The following DNM3 variants were observed in gnomAD, a reference collection of about 807,000 sequenced individuals.
The protein encoded by DNM3 is dynamin-3.
In DNM3, 47 loss-of-function variants were observed where a neutral mutation model predicts 101.6. That is an observed-to-expected ratio of 0.46 (90% CI 0.37 to 0.59). DNM3 has a LOEUF of 0.59. Among genes scored for constraint, DNM3 ranks in the 20% least tolerant of loss-of-function variants. The pLI, the probability that DNM3 is intolerant of heterozygous loss-of-function variation, is 0.00. For synonymous variants in DNM3, 385 were observed against 387.9 expected (o/e 0.99, Z 0.09); for missense variants, 849 against 1,085.7 (o/e 0.78, Z 3.06).
chr1:172,296,277 T>A (rs1312952371), intron 15 of DNM3, among the ~76,000 whole-genome samples: 2 of 152,218 alleles, frequency 1.3e-5, no homozygotes, highest in Admixed American at 6.5e-5. Flanking sequence ...GCCAAGATGA[T>A]GCCAGCATTC....
intron 14 of DNM3, among the ~76,000 whole-genome samples, chr1:172,166,538 A>G (rs1355586344): frequency 6.6e-6 from 1 of 152,092 alleles, no homozygotes; most frequent in African/African-American, 2.4e-5. Flanking sequence ...ATAGGTATCA[A>G]GTTAGGATTA....
chr1:171,988,134 A>G lies in DNM3; in HGVS notation c.385+329A>G, dbSNP rs186966191. On this transcript the variant is annotated intron_variant, in intron 3 of 20. Transcript: ENST00000627582. Reference sequence around the variant, plus strand: ...TAGAGGTACATGTTACTATGGTTGCATCTTCCCCTATTGGATGTCTTGCAG... The same window carrying G: ...TAGAGGTACATGTTACTATGGTTGCGTCTTCCCCTATTGGATGTCTTGCAG... Among the ~76,000 whole-genome samples, 207 of 152,272 alleles carry G rather than the reference A, an allele frequency of 1.4e-3. 2 individuals are homozygous for G. Among genetic ancestry groups the G allele is most frequent in the African/African-American group, 4.7e-3 (195 of 41,568 alleles).
rs1218988923 is a variant in DNM3, at chr1:172,408,923, T to C, written c.*1082T>C. 6 of 985,220 alleles carry C rather than the reference T, an allele frequency of 6.1e-6. No individual in the cohort carries two copies. Among genetic ancestry groups the C allele is most frequent in the East Asian group, 1.1e-4 (1 of 8,830 alleles). The allele number at this position is 985,220 out of a possible 1,614,324, so 61.0% of individuals were successfully genotyped here. A position where few individuals can be genotyped will look rare whatever the true frequency, so the allele number is the denominator to read the frequency against. Reference sequence around the variant, plus strand: ...GTTCCTGAAATGAAGTCAGTAGAAATGGCATGGGATAAGAGCAGAGCTCAC... The same window carrying C: ...GTTCCTGAAATGAAGTCAGTAGAAACGGCATGGGATAAGAGCAGAGCTCAC... On this transcript the variant is annotated 3_prime_UTR_variant, in exon 21 of 21. Coordinates refer to ENST00000627582, the MANE Select transcript of DNM3 (RefSeq NM_015569.5).
At chr1:171,845,252 A>G (rs960104705) in intron 1 of DNM3, among the ~76,000 whole-genome samples, 1 of 152,180 alleles carries the variant, frequency 6.6e-6, no homozygotes, top group Non-Finnish European at 1.5e-5. Context: ...AATGTTACCT[A>G]TATTAATAAG....
intron 4 of DNM3, among the ~76,000 whole-genome samples, chr1:172,000,588 G>A (rs75310447): frequency 0.012 from 1,815 of 152,192 alleles, 24 homozygotes; most frequent in Middle Eastern, 0.02. Flanking sequence ...AGATTCAGTA[G>A]TAAACAGAAA....
intron 1 of DNM3, among the ~76,000 whole-genome samples, chr1:171,894,460 A>G (rs577076797): frequency 6.6e-6 from 1 of 151,954 alleles, no homozygotes; most frequent in East Asian, 2.0e-4. Context: ...GCTGGAGTGC[A>G]GTGGCATGAT....
At chr1:171,972,803 C>T (rs1356824575) in intron 2 of DNM3, among the ~76,000 whole-genome samples, 5 of 152,024 alleles carry the variant, frequency 3.3e-5, no homozygotes, top group African/African-American at 1.2e-4. Context: ...GGGCTGAGAT[C>T]GCACCATTGC....
At chr1:171,971,263 T>C (rs1162262600) in intron 2 of DNM3, among the ~76,000 whole-genome samples, 3 of 152,050 alleles carry the variant, frequency 2.0e-5, no homozygotes, top group East Asian at 1.9e-4. Context: ...TTCTCTTTTC[T>C]CCTCTTGGTT....
intron 6 of DNM3, among the ~76,000 whole-genome samples, chr1:172,037,821 G>A (rs1041841073): frequency 2.0e-5 from 3 of 152,204 alleles, no homozygotes; most frequent in Admixed American, 6.5e-5. Context: ...GCTGAAGAAT[G>A]TGGAGAAAAT....
chr1:172,229,760 A>G (rs1454719805), intron 14 of DNM3, among the ~76,000 whole-genome samples: 2 of 152,096 alleles, frequency 1.3e-5, no homozygotes, highest in Non-Finnish European at 2.9e-5. Flanking sequence ...CCACACACAC[A>G]CACACATACA....
intron 13 of DNM3, among the ~76,000 whole-genome samples, chr1:172,103,752 C>T (rs2054816784): frequency 6.6e-6 from 1 of 152,170 alleles, no homozygotes; most frequent in Non-Finnish European, 1.5e-5. Context: ...CCTGTAATCC[C>T]AGCACTTTGG....
intron 14 of DNM3, among the ~76,000 whole-genome samples, chr1:172,211,901 T>C (rs183857272): frequency 2.6e-5 from 4 of 152,136 alleles, no homozygotes; most frequent in African/African-American, 2.4e-5. Flanking sequence ...AGTGTGTCTG[T>C]CTGCCTTATG....
intron 4 of DNM3, among the ~76,000 whole-genome samples, chr1:171,996,516 T>C (rs1451242707): frequency 6.6e-6 from 1 of 152,106 alleles, no homozygotes; most frequent in African/African-American, 2.4e-5. Context: ...CAGTACTTTT[T>C]CCACTTCATC....
chr1:172,068,808 T>G lies in DNM3; in HGVS notation c.1336-11T>G, dbSNP rs1350033953. ...TTGAGTATTAATACTCAGATCTGCT[T>G]TTCTTGACAGCTGGCAAACTTCCCC... On this transcript the variant is annotated splice_polypyrimidine_tract_variant and intron_variant, in intron 10 of 20. Coordinates refer to ENST00000627582, the MANE Select transcript of DNM3 (RefSeq NM_015569.5). 2 of 1,562,114 alleles carry G rather than the reference T, an allele frequency of 1.3e-6. No individual in the cohort carries two copies. Among genetic ancestry groups the G allele is most frequent in the Non-Finnish European group, 8.7e-7 (1 of 1,152,282 alleles).
chr1:171,996,196 G>A (rs1321076695), intron 4 of DNM3, among the ~76,000 whole-genome samples: 1 of 152,108 alleles, frequency 6.6e-6, no homozygotes, highest in Non-Finnish European at 1.5e-5. Context: ...CATCATTTGT[G>A]AAAAATAGTT....
At chr1:172,058,636 T>C (rs1356026604) in intron 10 of DNM3, among the ~76,000 whole-genome samples, 3 of 152,192 alleles carry the variant, frequency 2.0e-5, no homozygotes, top group Non-Finnish European at 4.4e-5. Flanking sequence ...AAAGATGTTC[T>C]TTGAAACCAA....
At chr1:172,258,949 G>C (rs541101561) in intron 15 of DNM3, among the ~76,000 whole-genome samples, 68 of 151,056 alleles carry the variant, frequency 4.5e-4, no homozygotes, top group Admixed American at 9.9e-4. Context: ...ATTGTGTTTT[G>C]ATTTCTGTTT....
At position 172,081,889 on chromosome 1, in the gene DNM3, A is replaced by G; in HGVS notation, c.1480A>G (p.Ile494Val). 1 of 1,613,152 alleles carries G rather than the reference A, an allele frequency of 6.2e-7. No individual in the cohort carries two copies. The highest frequency in any genetic ancestry group is 8.5e-7 in the Non-Finnish European group (1 of 1,179,478). ...CATCAACACCAACCATGAAGACTTC[A>G]TTGGCTTCGCAAAGTACGTGAAACA... ...SYINTNHEDF[I>V]GFANAQQRSS... Residue 494 changes from isoleucine (I) to valine (V), a missense_variant, in exon 12 of 21, where the codon ATT (isoleucine) becomes GTT (valine). Ile to Val is a conservative substitution (Grantham distance 29). Transcript: ENST00000627582.
chr1:171,892,387 C>T (rs2037367909), intron 1 of DNM3, among the ~76,000 whole-genome samples: 1 of 152,168 alleles, frequency 6.6e-6, no homozygotes, highest in Non-Finnish European at 1.5e-5. Flanking sequence ...TAGGCTCTCT[C>T]AGCTGACAGA....
Sources: gnomAD v4.1 joint callset for allele counts (sites outside exome capture counted in the v4.1 genomes callset) on GRCh38, gnomAD v4.1.1 for gene constraint, MANE v1.5 for transcripts, NCBI Gene and HGNC (gene_info 2026-07-23, HGNC 2026-07-21) for gene names.